Variants in SBNO1 observed in about 807,000 individuals in gnomAD.
SBNO1 encodes the protein protein strawberry notch homolog 1.
A neutral mutation model predicts 173.6 loss-of-function variants in SBNO1; 23 were observed. The ratio of observed to expected loss-of-function variants is 0.13; its 90% confidence interval spans 0.10 to 0.19. The LOEUF (loss-of-function observed/expected upper bound fraction) is 0.19. Among genes scored for constraint, SBNO1 ranks in the 10% least tolerant of loss-of-function variants. The probability of loss-of-function intolerance (pLI) is 1.00; values close to 1 mark genes in which losing one functional copy is unlikely to be tolerated. For missense variants in SBNO1, 1,238 were observed against 1,671.2 expected (o/e 0.74, Z 4.52); for synonymous variants, 632 against 571.5 (o/e 1.11, Z -1.51).
At chr12:123,311,724 A>C (rs10846512) in intron 24 of SBNO1, among the ~76,000 whole-genome samples, 15,596 of 62,420 alleles carry the variant, frequency 0.25, 942 homozygotes, top group African/African-American at 0.27. Context: ...ATCTATCTAT[A>C]TATATATATA....
At chr12:123,354,252 T>C (rs1874185818) in intron 1 of SBNO1, among the ~76,000 whole-genome samples, 1 of 152,260 alleles carries the variant, frequency 6.6e-6, no homozygotes, top group Non-Finnish European at 1.5e-5. Flanking sequence ...TACCAAAACA[T>C]GTTATACACC....
In SBNO1 at chr12:123,321,607, T is replaced by C. The variant is rs1267809369; in HGVS notation, c.2251A>G (p.Lys751Glu). Residue 751 changes from lysine to glutamate, a missense_variant, in exon 17 of 32, where the codon AAA (lysine) becomes GAA (glutamate). Physicochemically the swap from Lys to Glu is moderately conservative, Grantham distance 56 (BLOSUM62 1). Coordinates refer to ENST00000602398, the MANE Select transcript of SBNO1 (RefSeq NM_001167856.3). ...DNEESDYESS[K>E]NMSSGDDDDF... Reference sequence around the variant, plus strand: ...TCATCATCTCCAGAACTCATGTTTTTAGAGCTCTCATAGTCACTTTCTTCA... The same window carrying C: ...TCATCATCTCCAGAACTCATGTTTTCAGAGCTCTCATAGTCACTTTCTTCA... 5 of 1,613,982 alleles carry C rather than the reference T, an allele frequency of 3.1e-6. No homozygotes were observed. Among genetic ancestry groups the C allele is most frequent in the Non-Finnish European group, 4.2e-6 (5 of 1,179,932 alleles).
rs554606773 is a variant in SBNO1 at position 123,339,107 on chromosome 12, T to C, written c.651+1881A>G. Among the ~76,000 whole-genome samples the C allele has an allele frequency of 5.3e-5, 8 of 152,310 alleles. No homozygotes were observed. The East Asian group carries it at 1.5e-3, about 29-fold the overall frequency. Reference sequence around the variant, plus strand: ...CCAAAAATCACCTTCCAAGTGCTGTTGGTAGACAATCACTAAGTAAACTGG... The same window carrying C: ...CCAAAAATCACCTTCCAAGTGCTGTCGGTAGACAATCACTAAGTAAACTGG... On this transcript the variant is annotated intron_variant, in intron 5 of 31. Coordinates refer to ENST00000602398, the MANE Select transcript of SBNO1 (RefSeq NM_001167856.3).
intron 28 of SBNO1, among the ~76,000 whole-genome samples, chr12:123,305,062 A>G (rs1248592333): frequency 6.6e-6 from 1 of 152,250 alleles, no homozygotes. Context: ...TCAGAGAGGT[A>G]AGAAAAACCA....
intron 1 of SBNO1, among the ~76,000 whole-genome samples, chr12:123,352,793 G>A (rs1874035379): frequency 6.6e-6 from 1 of 151,972 alleles, no homozygotes. Context: ...AGGAAAAACA[G>A]ACACCCCAAA....
Position 123,313,650 on chromosome 12 carries a change from G to T in SBNO1, c.3190C>A (p.Pro1064Thr). ...VNLDSPMVSPPPDYPGEFFKD... is the reference protein window; with the variant it reads ...VNLDSPMVSPTPDYPGEFFKD... ...AAAAATTCTCCAGGATAGTCTGGAG[G>T]TGGTGATACCATAGGAGAATCCAAG... The change falls in exon 24 of 32, where the codon CCT (proline) becomes ACT (threonine). Residue 1064 changes from proline (P) to threonine (T), a missense_variant. Pro to Thr is a conservative substitution (Grantham distance 38, BLOSUM62 -1). This residue lies in a region of SBNO1 where 351 missense variants were observed against 420.3 expected (regional missense o/e 0.84). Transcript: ENST00000602398. The T allele has an allele frequency of 6.2e-7, 1 of 1,602,140 alleles. No individual in the cohort carries two copies.
chr12:123,298,522 C>T (rs139238910), intron 30 of SBNO1, among the ~76,000 whole-genome samples: 665 of 152,216 alleles, frequency 4.4e-3, no homozygotes, highest in Non-Finnish European at 7.5e-3. Context: ...CCCAAAGGGC[C>T]GGGATTACAG....
Position 123,295,823 on chromosome 12 carries a change from T to A in SBNO1, c.*85A>T. On this transcript the variant is annotated 3_prime_UTR_variant, in exon 32 of 32. Coordinates refer to ENST00000602398, the MANE Select transcript of SBNO1 (RefSeq NM_001167856.3). Reference sequence around the variant, plus strand: ...AGCACAACTGAAAAAAATATATAATTCTTTGGAAACTGTCCCTGATTTTTA... The same window carrying A: ...AGCACAACTGAAAAAAATATATAATACTTTGGAAACTGTCCCTGATTTTTA... The A allele has an allele frequency of 6.5e-7, 1 of 1,532,380 alleles. No homozygotes were observed. Among genetic ancestry groups the A allele is most frequent in the Non-Finnish European group, 8.8e-7 (1 of 1,135,620 alleles). The allele number at this position is 1,532,380 out of a possible 1,614,324, so 94.9% of individuals were successfully genotyped here. A position where few individuals can be genotyped will look rare whatever the true frequency, so the allele number is the denominator to read the frequency against.
Position 123,325,523 on chromosome 12 carries a change from T to C in SBNO1, c.1952A>G (p.Asn651Ser). Residue 651 changes from asparagine to serine, a missense_variant, in exon 15 of 32, where the codon AAT becomes AGT. By Grantham distance (46) the Asn-to-Ser change is conservative. Coordinates refer to ENST00000602398, the MANE Select transcript of SBNO1 (RefSeq NM_001167856.3). Reference sequence around the variant, plus strand: ...TTACTTGGCAGTTGAAACAAAATCATTCAATTCTCCCCCGCCCTCTTCCAA... The same window carrying C: ...TTACTTGGCAGTTGAAACAAAATCACTCAATTCTCCCCCGCCCTCTTCCAA... Reference protein sequence around the residue: ...EALEEGGGELNDFVSTAKGVL... With the variant: ...EALEEGGGELSDFVSTAKGVL... 1 of 1,612,784 alleles carries C rather than the reference T, an allele frequency of 6.2e-7. No homozygotes were observed. Among genetic ancestry groups the C allele is most frequent in the Non-Finnish European group, 8.5e-7 (1 of 1,178,958 alleles).
rs1469084830 is a variant in SBNO1 at position 123,341,068 on chromosome 12, C to G, written c.571G>C (p.Val191Leu). Residue 191 changes from valine (V) to leucine (L), a missense_variant, in exon 5 of 32, where the codon GTA (valine) becomes CTA (leucine). Around this residue, in one of 14 missense-constraint regions of SBNO1, gnomAD observed 287 missense variants for 274.1 expected, o/e 1.05. Coordinates refer to ENST00000602398, the MANE Select transcript of SBNO1 (RefSeq NM_001167856.3). ...TAATDVSNGT[V>L]KKESSNKEGA... ...TCTTTATTAGAAGACTCTTTCTTTA[C>G]TGTACCATTGCTTACATCAGCTGAG... 6.3e-7 allele frequency: 1 copy of G among 1,590,410 alleles called. No individual in the cohort carries two copies. Among genetic ancestry groups the G allele is most frequent in the Non-Finnish European group, 8.6e-7 (1 of 1,166,128 alleles).
At chr12:123,330,289 C>T (rs1871066595) in intron 9 of SBNO1, 130 bp downstream of exon 9, 2 of 647,698 alleles carry the variant, frequency 3.1e-6, no homozygotes, top group South Asian at 3.4e-5. Context: ...CTAGCACTCA[C>T]TATGCTTTCT....
intron 30 of SBNO1, among the ~76,000 whole-genome samples, chr12:123,302,583 G>A (rs1446303989): frequency 1.3e-5 from 2 of 152,134 alleles, no homozygotes; most frequent in Non-Finnish European, 2.9e-5. Context: ...AACTGTTAAG[G>A]TCATGCTGCC....
intron 19 of SBNO1, 94 bp from the exon 20 acceptor site, chr12:123,320,125 GCACAGGCTGTGCTGCACCA>G (rs1349486733): frequency 4.3e-6 from 6 of 1,401,220 alleles, no homozygotes; most frequent in Admixed American, 3.6e-5. Context: ...GGAGATAAGA[GCACAGGCTGTGCTGCACCA>G]CACACTGAAG....
intron 1 of SBNO1, among the ~76,000 whole-genome samples, chr12:123,360,817 A>G (rs780489025): frequency 2.0e-5 from 3 of 152,272 alleles, no homozygotes; most frequent in Middle Eastern, 3.4e-3. Flanking sequence ...TCAGTAAGGC[A>G]CTTAAAACCT....
Position 123,326,293 on chromosome 12 carries a change from C to T in SBNO1, c.1734G>A (p.Leu578=). ...ARERFQQAAD[L]IDAEQRMKKS... is the part of the protein sequence containing the mutation. ...TCTTCATTCGTTGCTCAGCATCAATCAGATCTGCAGCTTGCTGAAACCGCT... is the reference window on the plus strand; with the variant it reads ...TCTTCATTCGTTGCTCAGCATCAATTAGATCTGCAGCTTGCTGAAACCGCT... Residue 578 remains leucine (L), a synonymous_variant, in exon 14 of 32, where the codon CTG becomes CTA. Coordinates refer to ENST00000602398, the MANE Select transcript of SBNO1 (RefSeq NM_001167856.3). 4.3e-6 allele frequency: 7 copies of T among 1,609,474 alleles called. No homozygotes were observed. Among genetic ancestry groups the T allele is most frequent in the Non-Finnish European group, 5.9e-6 (7 of 1,177,394 alleles).
intron 14 of SBNO1, 93 bp downstream of exon 14, chr12:123,326,059 G>T: frequency 1.1e-6 from 1 of 874,340 alleles, no homozygotes; most frequent in Non-Finnish European, 1.7e-6. Context: ...TATCCTTTAG[G>T]AAAACCAGAT....
intron 1 of SBNO1, among the ~76,000 whole-genome samples, chr12:123,361,347 A>G (rs974261591): frequency 1.3e-5 from 2 of 151,950 alleles, no homozygotes; most frequent in African/African-American, 4.8e-5. Context: ...TCGGGAGTTC[A>G]AGAACAGCCT....
At chr12:123,362,897 T>A (rs1409471110) in intron 1 of SBNO1, among the ~76,000 whole-genome samples, 1 of 150,130 alleles carries the variant, frequency 6.7e-6, no homozygotes, top group Non-Finnish European at 1.5e-5. Flanking sequence ...CCCAACATGG[T>A]GAGACCCCCG....
At chr12:123,301,390 T>G (rs2048785517) in intron 30 of SBNO1, among the ~76,000 whole-genome samples, 1 of 152,140 alleles carries the variant, frequency 6.6e-6, no homozygotes, top group Non-Finnish European at 1.5e-5. Flanking sequence ...CCAAAAGCAC[T>G]ACTCACATCA....
Sources: gnomAD v4.1 joint callset for allele counts (sites outside exome capture counted in the v4.1 genomes callset) on GRCh38, gnomAD v4.1.1 for gene constraint, gnomAD v4.1.1 regional missense constraint, MANE v1.5 for transcripts, NCBI Gene and HGNC (gene_info 2026-07-23, HGNC 2026-07-21) for gene names.